Variants in AGBL4 observed in about 807,000 individuals in gnomAD.
AGBL4 encodes the protein cytosolic carboxypeptidase 6.
Under a neutral mutation model 66.4 loss-of-function variants are expected in AGBL4, and 58 were observed. The observed-to-expected ratio is 0.87, with a 90% confidence interval of 0.71 to 1.09. The LOEUF (loss-of-function observed/expected upper bound fraction) is 1.09. Ranked by LOEUF, AGBL4 falls within the 50% of genes least tolerant of loss-of-function variation. The pLI is 0.00. For synonymous variants in AGBL4, 234 were observed against 222.9 expected, an observed-to-expected ratio of 1.05 and a Z score of -0.44; for missense variants, 579 against 631.0, an observed-to-expected ratio of 0.92 and a Z score of 0.88.
chr1:49,116,066 T>C (rs370303094), intron 4 of AGBL4, among the ~76,000 whole-genome samples: 2 of 152,216 alleles, frequency 1.3e-5, no homozygotes, highest in Non-Finnish European at 2.9e-5. Flanking sequence ...TTTATTTGTA[T>C]GTCTTTGAAA....
chr1:49,776,629 C>T (rs541785436), intron 2 of AGBL4, among the ~76,000 whole-genome samples: 1 of 152,224 alleles, frequency 6.6e-6, no homozygotes, highest in Admixed American at 6.5e-5. Flanking sequence ...CACTGCTCTT[C>T]ACATAACTAA....
Position 49,129,884 on chromosome 1 carries a change from G to T in AGBL4, c.378-84084C>A, listed in dbSNP as rs192800899. Reference sequence around the variant, plus strand: ...TCTAGTTCTAGATCCCTGAGGAATCGCCACACTGACCTCCACAATGGTTGA... The same window carrying T: ...TCTAGTTCTAGATCCCTGAGGAATCTCCACACTGACCTCCACAATGGTTGA... On this transcript the variant is annotated intron_variant, in intron 4 of 13. Coordinates refer to ENST00000371839, the MANE Select transcript of AGBL4 (RefSeq NM_032785.4). Among the ~76,000 whole-genome samples, 673 of 152,248 alleles carry T rather than the reference G, an allele frequency of 4.4e-3. 2 individuals carry two copies. Among genetic ancestry groups the T allele is most frequent in the Non-Finnish European group, 7.2e-3 (489 of 68,028 alleles).
intron 3 of AGBL4, among the ~76,000 whole-genome samples, chr1:49,628,736 G>A (rs1044858806): frequency 6.6e-6 from 1 of 152,156 alleles, no homozygotes; most frequent in Non-Finnish European, 1.5e-5. Context: ...CAGAAGGCAG[G>A]AGACTTAACA....
At chr1:49,970,526 T>A (rs181838521) in intron 1 of AGBL4, among the ~76,000 whole-genome samples, 12 of 151,960 alleles carry the variant, frequency 7.9e-5, no homozygotes, top group Non-Finnish European at 1.0e-4. Flanking sequence ...TGAAACCCCA[T>A]CTCTACTAAA....
intron 5 of AGBL4, among the ~76,000 whole-genome samples, chr1:49,027,903 C>A (rs1663857988): frequency 6.6e-6 from 1 of 152,140 alleles, no homozygotes. Context: ...CTACCCAGAG[C>A]CTAGCTCATA....
chr1:48,675,102 T>C (rs531173713), intron 6 of AGBL4, among the ~76,000 whole-genome samples: 2 of 152,324 alleles, frequency 1.3e-5, no homozygotes, highest in Admixed American at 6.5e-5. Flanking sequence ...TGCATCTAAA[T>C]GTAAAATTGG....
chr1:49,856,310 T>G (rs1646432051), intron 1 of AGBL4, among the ~76,000 whole-genome samples: 1 of 152,044 alleles, frequency 6.6e-6, no homozygotes, highest in Non-Finnish European at 1.5e-5. Flanking sequence ...TCTACCAAAC[T>G]TTTTAAAAAG....
At chr1:49,592,906 T>C (rs531008831) in intron 3 of AGBL4, among the ~76,000 whole-genome samples, 1 of 152,320 alleles carries the variant, frequency 6.6e-6, no homozygotes, top group East Asian at 1.9e-4. Flanking sequence ...CAAAGAGATA[T>C]AAATTGTTTA....
intron 6 of AGBL4, among the ~76,000 whole-genome samples, chr1:48,710,158 A>G (rs1646943540): frequency 6.6e-6 from 1 of 152,162 alleles, no homozygotes; most frequent in Non-Finnish European, 1.5e-5. Flanking sequence ...AGCAGTTGCA[A>G]CTATGAAGAA....
intron 4 of AGBL4, among the ~76,000 whole-genome samples, chr1:49,158,088 T>C (rs1014978369): frequency 6.6e-6 from 1 of 152,120 alleles, no homozygotes; most frequent in Non-Finnish European, 1.5e-5. Flanking sequence ...GGGAAAGGAT[T>C]CCCTATTTAA....
Position 49,530,272 on chromosome 1 carries a change from A to AC in AGBL4, c.282+167040dup, listed in dbSNP as rs1651008804. On this transcript the variant is annotated intron_variant, in intron 3 of 13. Transcript: ENST00000371839. ...AAGTAGAATTTGTAAAAAAAAAAAA[A>AC]CAAAAAAAAACTCTATGAGTTTTTT... 2.8e-5 allele frequency among the ~76,000 whole-genome samples: 4 copies of AC among 141,986 alleles called. No homozygotes were observed. The South Asian group carries it at 8.8e-4, about 31-fold the overall frequency. The allele number at this position is 141,986 out of a possible 152,430, so 93.1% of individuals were successfully genotyped here. A position where few individuals can be genotyped will look rare whatever the true frequency, so the allele number is the denominator to read the frequency against.
At chr1:49,437,490 C>A (rs1035064871) in intron 3 of AGBL4, among the ~76,000 whole-genome samples, 1 of 152,056 alleles carries the variant, frequency 6.6e-6, no homozygotes, top group Non-Finnish European at 1.5e-5. Flanking sequence ...CAAAGGAAAA[C>A]CATTATTTGT....
intron 1 of AGBL4, among the ~76,000 whole-genome samples, chr1:49,926,185 G>T (rs1652749400): frequency 6.6e-6 from 1 of 152,210 alleles, no homozygotes; most frequent in South Asian, 2.1e-4. Flanking sequence ...AAGAGAAAGA[G>T]ACGTTCTGCT....
At chr1:49,819,957 T>C (rs1187037827) in intron 2 of AGBL4, among the ~76,000 whole-genome samples, 1 of 152,106 alleles carries the variant, frequency 6.6e-6, no homozygotes, top group Non-Finnish European at 1.5e-5. Flanking sequence ...TCCTCAGTAA[T>C]AAATGGCTTC....
Position 49,318,682 on chromosome 1 carries a change from T to A in AGBL4, c.283-72818A>T, listed in dbSNP as rs967986815. 4.6e-5 allele frequency among the ~76,000 whole-genome samples: 7 copies of A among 152,164 alleles called. No homozygotes were observed. The South Asian group carries it at 8.3e-4, about 18-fold the overall frequency. ...AAGGTAAGGTAAAATAGTGTAAGTA[T>A]CTAGGTAAGAGCTAGAAAGTTATGA... is the stretch of plus-strand genomic sequence containing the variant. On this transcript the variant is annotated intron_variant, in intron 3 of 13. Coordinates refer to ENST00000371839, the MANE Select transcript of AGBL4 (RefSeq NM_032785.4).
chr1:49,766,579 A>G (rs931724006), intron 2 of AGBL4, among the ~76,000 whole-genome samples: 2 of 152,030 alleles, frequency 1.3e-5, no homozygotes, highest in Non-Finnish European at 2.9e-5. Context: ...TCACATGTCA[A>G]TATTACCTTG....
intron 6 of AGBL4, among the ~76,000 whole-genome samples, chr1:48,685,313 A>C (rs1646515046): frequency 6.6e-6 from 1 of 152,242 alleles, no homozygotes; most frequent in African/African-American, 2.4e-5. Flanking sequence ...TGGAGCCTTA[A>C]ACATCTTACA....
intron 3 of AGBL4, among the ~76,000 whole-genome samples, chr1:49,578,688 G>C (rs961291797): frequency 6.6e-6 from 1 of 152,150 alleles, no homozygotes; most frequent in Non-Finnish European, 1.5e-5. Flanking sequence ...AATAGTATTT[G>C]GGTTGGGGAT....
chr1:48,683,942 A>C (rs145897911), intron 6 of AGBL4, among the ~76,000 whole-genome samples: 128 of 152,336 alleles, frequency 8.4e-4, no homozygotes, highest in African/African-American at 3.0e-3. Flanking sequence ...TCTAATAAGA[A>C]AGCACTCCTT....
Sources: allele counts gnomAD v4.1 joint callset (sites outside exome capture counted in the v4.1 genomes callset), GRCh38; gene constraint gnomAD v4.1.1; transcripts MANE v1.5; gene names NCBI Gene and HGNC (gene_info 2026-07-23, HGNC 2026-07-21).